PCDHA6: variants seen among roughly 807,000 people sequenced by gnomAD.
The protein encoded by PCDHA6 is protocadherin alpha-6.
PCDHA6 carries 55 observed loss-of-function variants against 60.3 expected under a neutral mutation model. That is an observed-to-expected ratio of 0.91 (90% CI 0.73 to 1.14). PCDHA6 has a LOEUF of 1.14. PCDHA6 is among the 50% of genes most tolerant of loss of function. The pLI, the probability that PCDHA6 is intolerant of heterozygous loss-of-function variation, is 0.00. For missense variants in PCDHA6, 1,327 were observed against 1,256.5 expected (o/e 1.06, Z -0.85); for synonymous variants, 652 against 557.9 (o/e 1.17, Z -2.38).
At chr5:140,842,977 G>T (rs2150349031) in intron 1 of PCDHA6, 2 of 1,595,034 alleles carry the variant, frequency 1.3e-6, no homozygotes, top group Middle Eastern at 1.7e-4. Context: ...TGACGCTGCA[G>T]GTGTTCGTGC....
chr5:140,998,594 T>A (rs1396456161), intron 3 of PCDHA6, among the ~76,000 whole-genome samples: 4 of 152,076 alleles, frequency 2.6e-5, no homozygotes, highest in Non-Finnish European at 5.9e-5. Context: ...GACAGAGTTT[T>A]GCTCTTGTTG....
At chr5:140,863,571 TA>T in intron 1 of PCDHA6, 1 of 369,950 alleles carries the variant, frequency 2.7e-6, no homozygotes, top group South Asian at 2.1e-5. Context: ...AGAATATAAG[TA>T]CTGTAATCCT....
intron 3 of PCDHA6, among the ~76,000 whole-genome samples, chr5:141,005,559 G>A (rs980622255): frequency 6.6e-6 from 1 of 151,190 alleles, no homozygotes; most frequent in Admixed American, 6.6e-5. Flanking sequence ...AAAATTAGCC[G>A]GGCATGGTGG....
At chr5:140,927,956 C>G in intron 1 of PCDHA6, 1 of 1,614,224 alleles carries the variant, frequency 6.2e-7, no homozygotes. Flanking sequence ...GACGCTGCCC[C>G]TGGCACAGTG....
intron 1 of PCDHA6, among the ~76,000 whole-genome samples, chr5:140,878,324 A>C (rs1298317950): frequency 4.6e-5 from 7 of 152,210 alleles, no homozygotes; most frequent in Admixed American, 1.3e-4. Context: ...TTTTCACATT[A>C]TATTCCAGGT....
At chr5:140,870,876 GA>G (rs34601225) in intron 1 of PCDHA6, 1 of 1,613,958 alleles carries the variant, frequency 6.2e-7, no homozygotes, top group Non-Finnish European at 8.5e-7. Flanking sequence ...ACGTGGTGGC[GA>G]AGGTGCGCGC....
chr5:140,967,342 C>T (rs149890293), intron 1 of PCDHA6: 40 of 1,607,992 alleles, frequency 2.5e-5, no homozygotes, highest in Non-Finnish European at 3.4e-5. Context: ...CCAGCGAGCA[C>T]TTCGAGCTGG....
At chr5:140,899,111 A>G (rs2067143820) in intron 1 of PCDHA6, among the ~76,000 whole-genome samples, 1 of 152,186 alleles carries the variant, frequency 6.6e-6, no homozygotes, top group Admixed American at 6.5e-5. Context: ...GGGGTTTTCT[A>G]GATATACAAT....
At chr5:140,896,381 C>A (rs1235283612) in intron 1 of PCDHA6, among the ~76,000 whole-genome samples, 1 of 152,160 alleles carries the variant, frequency 6.6e-6, no homozygotes, top group Non-Finnish European at 1.5e-5. Context: ...TTCTCTGCAA[C>A]CTCACCAGCA....
intron 1 of PCDHA6, chr5:140,853,408 AG>A: frequency 1.0e-6 from 1 of 986,092 alleles, no homozygotes; most frequent in Middle Eastern, 5.3e-4. Flanking sequence ...CAAAACAGAG[AG>A]GTGAAAGCAG....
At chr5:140,981,683 T>A (rs1484532280) in intron 2 of PCDHA6, among the ~76,000 whole-genome samples, 5 of 152,034 alleles carry the variant, frequency 3.3e-5, no homozygotes, top group Non-Finnish European at 5.9e-5. Flanking sequence ...CCTTCCTCCC[T>A]TCCATCATTC....
At chr5:140,839,838 A>G (rs1257715116) in intron 1 of PCDHA6, among the ~76,000 whole-genome samples, 1 of 152,060 alleles carries the variant, frequency 6.6e-6, no homozygotes, top group Non-Finnish European at 1.5e-5. Flanking sequence ...TGATGAATCC[A>G]TGGAGAATTT....
chr5:140,870,386 A>G (rs1209102528), intron 1 of PCDHA6: 1 of 1,614,082 alleles, frequency 6.2e-7, no homozygotes, highest in Middle Eastern at 1.6e-4. Flanking sequence ...ACTGCGCGGG[A>G]TGGGGGTTCG....
intron 1 of PCDHA6, chr5:140,834,305 T>C (rs2150215189): frequency 1.5e-6 from 2 of 1,328,712 alleles, no homozygotes; most frequent in African/African-American, 1.5e-5. Flanking sequence ...CACATCGAGA[T>C]TGAAATGAAG....
chr5:140,937,648 CACGCCTGTAATCCCAGCACT>C (rs1554211703), intron 1 of PCDHA6, among the ~76,000 whole-genome samples: 3 of 150,626 alleles, frequency 2.0e-5, no homozygotes, highest in South Asian at 4.2e-4. Flanking sequence ...CATGGTGGCT[CACGCCTGTAATCCCAGCACT>C]TTGGGAGGCT....
chr5:140,947,754 G>A (rs1295200380), intron 1 of PCDHA6, among the ~76,000 whole-genome samples: 2 of 151,334 alleles, frequency 1.3e-5, no homozygotes, highest in African/African-American at 2.4e-5. Flanking sequence ...TGTATTTTAT[G>A]GTTTAAAAAA....
At chr5:140,919,525 T>G (rs2079174631) in intron 1 of PCDHA6, among the ~76,000 whole-genome samples, 1 of 152,196 alleles carries the variant, frequency 6.6e-6, no homozygotes, top group Non-Finnish European at 1.5e-5. Context: ...TAATTCTCTT[T>G]TTTTCCTATA....
intron 1 of PCDHA6, among the ~76,000 whole-genome samples, chr5:140,915,886 T>G (rs1259377999): frequency 2.6e-5 from 4 of 152,186 alleles, no homozygotes; most frequent in Admixed American, 6.5e-5. Flanking sequence ...GGGTAGCAAG[T>G]TCCCCCTGGC....
At chr5:140,907,392 A>G (rs1362391388) in intron 1 of PCDHA6, among the ~76,000 whole-genome samples, 1 of 152,202 alleles carries the variant, frequency 6.6e-6, no homozygotes, top group Non-Finnish European at 1.5e-5. Context: ...GTCAAAGGCA[A>G]TGCTGTGTGG....
Sources: allele counts gnomAD v4.1 joint callset (sites outside exome capture counted in the v4.1 genomes callset), GRCh38; gene constraint gnomAD v4.1.1; transcripts MANE v1.5; gene names NCBI Gene and HGNC (gene_info 2026-07-23, HGNC 2026-07-21).